Variants in NPR3 observed in about 807,000 individuals in gnomAD.
NPR3 encodes atrial natriuretic peptide receptor 3.
A neutral mutation model predicts 54.5 loss-of-function variants in NPR3; 34 were observed. The ratio of observed to expected loss-of-function variants is 0.62; its 90% CI spans 0.47 to 0.83. The LOEUF is 0.83. NPR3 is among the 40% of genes least tolerant of loss of function. The pLI is 0.00. For synonymous variants in NPR3, 289 were observed against 297.1 expected, an observed-to-expected ratio of 0.97 and a Z score of 0.28; for missense variants, 674 against 720.8, an observed-to-expected ratio of 0.94 and a Z score of 0.74.
intron 4 of NPR3, among the ~76,000 whole-genome samples, chr5:32,779,490 C>T (rs371963140): frequency 6.6e-5 from 10 of 152,328 alleles, no homozygotes; most frequent in East Asian, 5.8e-4. Context: ...CTGGCCACCC[C>T]GTTCCAGCCT....
intron 1 of NPR3, among the ~76,000 whole-genome samples, chr5:32,714,284 T>A (rs145291520): frequency 1.2e-4 from 18 of 152,320 alleles, no homozygotes; most frequent in African/African-American, 4.3e-4. Flanking sequence ...TGGCCTGGGA[T>A]ACAAAACCAA....
At chr5:32,767,776 C>T (rs1212104824) in intron 3 of NPR3, among the ~76,000 whole-genome samples, 1 of 152,036 alleles carries the variant, frequency 6.6e-6, no homozygotes, top group Non-Finnish European at 1.5e-5. Flanking sequence ...ATATAAAAAC[C>T]TGTATTTTTG....
In NPR3 at chr5:32,693,291, G is replaced by A. The variant is rs148040776; in HGVS notation, c.100+4105G>A. 3.2e-3 allele frequency among the ~76,000 whole-genome samples: 484 copies of A among 151,746 alleles called. 7 individuals carry two copies. The highest frequency in any genetic ancestry group is 0.022 in the Admixed American group (335 of 15,272). On this transcript the variant is annotated intron_variant, in intron 1 of 5. Coordinates refer to the NPR3 transcript ENST00000509104. ...ATCTCTTTTTTCCTTTTATTGTTTC[G>A]TTCTTTCTCTTGTGAATTCTGTTTC...
intron 1 of NPR3, among the ~76,000 whole-genome samples, chr5:32,692,533 A>G (rs925302106): frequency 6.6e-5 from 10 of 152,210 alleles, no homozygotes; most frequent in Non-Finnish European, 1.0e-4. Flanking sequence ...GCAGAATTTG[A>G]TGTTACAATA....
chr5:32,697,704 A>G (rs1292028721), intron 1 of NPR3, among the ~76,000 whole-genome samples: 4 of 151,974 alleles, frequency 2.6e-5, no homozygotes, highest in Non-Finnish European at 5.9e-5. Context: ...GGATTTCTTC[A>G]TGGTTCAATC....
intron 7 of NPR3, among the ~76,000 whole-genome samples, chr5:32,785,695 C>T (rs911882523): frequency 8.5e-5 from 13 of 152,292 alleles, no homozygotes; most frequent in Non-Finnish European, 1.6e-4. Context: ...AGCTCCAAGG[C>T]TTGCAAAATT....
chr5:32,700,656 C>T (rs1309174206), intron 1 of NPR3, among the ~76,000 whole-genome samples: 1 of 150,468 alleles, frequency 6.6e-6, no homozygotes, highest in African/African-American at 2.4e-5. Context: ...GTTTGGTTTT[C>T]TGTCCTTGTG....
chr5:32,744,472 A>G (rs1422288758), intron 3 of NPR3, among the ~76,000 whole-genome samples: 1 of 152,186 alleles, frequency 6.6e-6, no homozygotes, highest in Non-Finnish European at 1.5e-5. Flanking sequence ...TTTTTGACTG[A>G]AAAAGTTGTT....
intron 1 of NPR3, among the ~76,000 whole-genome samples, chr5:32,721,555 G>A (rs1738864694): frequency 6.6e-6 from 1 of 152,184 alleles, no homozygotes. Context: ...TGAGGTGGGA[G>A]GATCGCTTGA....
chr5:32,742,240 T>C (rs10078286), intron 3 of NPR3, among the ~76,000 whole-genome samples: 26,603 of 152,112 alleles, frequency 0.17, 2,423 homozygotes, highest in South Asian at 0.28. Context: ...AAATTTACCA[T>C]GCATTTTCCA....
chr5:32,696,122 C>T (rs1404868715), intron 1 of NPR3, among the ~76,000 whole-genome samples: 1 of 152,072 alleles, frequency 6.6e-6, no homozygotes, highest in Non-Finnish European at 1.5e-5. Context: ...GATAGTTTCC[C>T]GTGTTTTCTT....
At chr5:32,694,251 GC>G (rs1038106936) in intron 1 of NPR3, among the ~76,000 whole-genome samples, 3 of 152,234 alleles carry the variant, frequency 2.0e-5, no homozygotes, top group African/African-American at 4.8e-5. Flanking sequence ...CCCCAGGGAA[GC>G]CACTGTTAAC....
At position 32,696,670 on chromosome 5, in the gene NPR3, A is replaced by G. The variant is rs74933900; in HGVS notation, c.100+7484A>G. On this transcript the variant is annotated intron_variant, in intron 1 of 5. Transcript: ENST00000509104. ...CTTTCCATTTGTTGTGTCATCTTCA[A>G]TTTCTTTCATCAGCGTTTCATAGTT... Among the ~76,000 whole-genome samples, 524 of 152,156 alleles carry G rather than the reference A, an allele frequency of 3.4e-3. 5 individuals are homozygous for G. The highest frequency in any genetic ancestry group is 0.012 in the African/African-American group (508 of 41,522).
intron 2 of NPR3, among the ~76,000 whole-genome samples, chr5:32,732,833 T>TATTTG (rs1189139972): frequency 1.3e-5 from 2 of 152,094 alleles, no homozygotes; most frequent in Non-Finnish European, 2.9e-5. Flanking sequence ...TATTTATTAC[T>TATTTG]ATTTTATTTT....
chr5:32,722,037 C>A (rs901321423), intron 1 of NPR3, among the ~76,000 whole-genome samples: 15 of 152,220 alleles, frequency 9.9e-5, no homozygotes, highest in African/African-American at 3.6e-4. Context: ...CAAATACCAC[C>A]AACAAATGAT....
At chr5:32,782,347 T>A (rs1742379639) in intron 5 of NPR3, among the ~76,000 whole-genome samples, 1 of 118,708 alleles carries the variant, frequency 8.4e-6, no homozygotes, top group Non-Finnish European at 1.8e-5. Flanking sequence ...GGACCCTGGC[T>A]GTCCTTCACA....
rs1347567056 is a variant in NPR3, at chr5:32,717,874, T to C, written c.769+5329T>C. ...CTTTAGTTTAATTAGGTCCCATTTATCTATTTTGGCTTTTGTTGCCATTGC... is the reference window on the plus strand; with the variant it reads ...CTTTAGTTTAATTAGGTCCCATTTACCTATTTTGGCTTTTGTTGCCATTGC... On this transcript the variant is annotated intron_variant, in intron 1 of 7. Coordinates refer to ENST00000265074, the MANE Select transcript of NPR3 (RefSeq NM_001204375.2). Among the ~76,000 whole-genome samples, 3 of 152,232 alleles carry C rather than the reference T, an allele frequency of 2.0e-5. No homozygotes were observed. In the South Asian group the frequency reaches 6.2e-4, roughly 31 times the overall value.
chr5:32,729,812 A>T (rs1739365073), intron 2 of NPR3, among the ~76,000 whole-genome samples: 1 of 152,218 alleles, frequency 6.6e-6, no homozygotes, highest in South Asian at 2.1e-4. Flanking sequence ...CATTGACTGA[A>T]ATGTTATATG....
intron 2 of NPR3, among the ~76,000 whole-genome samples, chr5:32,728,740 T>C (rs748837874): frequency 1.1e-4 from 16 of 149,080 alleles, no homozygotes; most frequent in Middle Eastern, 3.5e-3. Flanking sequence ...AAATATAAGT[T>C]GAAAATCAAT....
Sources: gnomAD v4.1 joint callset for allele counts (sites outside exome capture counted in the v4.1 genomes callset) on GRCh38, gnomAD v4.1.1 for gene constraint, MANE v1.5 for transcripts, NCBI Gene and HGNC (gene_info 2026-07-23, HGNC 2026-07-21) for gene names.